Variants in PDE1C observed in about 807,000 individuals in gnomAD.
PDE1C encodes dual specificity calcium/calmodulin-dependent 3',5'-cyclic nucleotide phosphodiesterase 1C.
In PDE1C, 62 loss-of-function variants were observed where a neutral mutation model predicts 93.1. The ratio of observed to expected loss-of-function variants is 0.67; its 90% confidence interval spans 0.54 to 0.82. The LOEUF is 0.82. Ranked by LOEUF, PDE1C falls within the 40% of genes least tolerant of loss-of-function variation. PDE1C has a pLI of 0.00. For synonymous variants in PDE1C, 325 were observed against 310.1 expected (o/e 1.05, Z -0.50); for missense variants, 742 against 884.6 (o/e 0.84, Z 2.04).
chr7:32,164,128 G>C (rs573799123), intron 3 of PDE1C, among the ~76,000 whole-genome samples: 1 of 152,300 alleles, frequency 6.6e-6, no homozygotes. Flanking sequence ...TGCATCAGTT[G>C]GAGCTTGTTA....
At chr7:31,761,658 C>T (rs1179363641) in intron 17 of PDE1C, among the ~76,000 whole-genome samples, 1 of 152,184 alleles carries the variant, frequency 6.6e-6, no homozygotes, top group Non-Finnish European at 1.5e-5. Flanking sequence ...ACTCTTAGTG[C>T]TCAATTTGTA....
chr7:32,118,979 G>GT (rs2128762293), intron 3 of PDE1C, among the ~76,000 whole-genome samples: 1 of 152,286 alleles, frequency 6.6e-6, no homozygotes, highest in South Asian at 2.1e-4. Context: ...GGTAGAGGCA[G>GT]TATCAAGCCA....
chr7:32,293,721 C>G (rs1812473175), intron 1 of PDE1C, among the ~76,000 whole-genome samples: 1 of 152,164 alleles, frequency 6.6e-6, no homozygotes, highest in Non-Finnish European at 1.5e-5. Flanking sequence ...CCGCACCTGA[C>G]TGACTCTGAG....
chr7:32,093,199 A>G (rs1002213105), intron 3 of PDE1C, among the ~76,000 whole-genome samples: 1 of 152,242 alleles, frequency 6.6e-6, no homozygotes, highest in Non-Finnish European at 1.5e-5. Flanking sequence ...TCAGAAGAGC[A>G]AGCTCTTTCC....
At chr7:31,642,449 A>ATT in the PDE1C span, among the ~76,000 whole-genome samples, 3 of 152,250 alleles carry the variant, frequency 2.0e-5, no homozygotes, top group Non-Finnish European at 2.9e-5. Context: ...ATGGAGTCAT[A>ATT]TTAGACAAGG....
intron 1 of PDE1C, among the ~76,000 whole-genome samples, chr7:32,426,437 C>T (rs1183575135): frequency 6.6e-6 from 1 of 151,238 alleles, no homozygotes; most frequent in Non-Finnish European, 1.5e-5. Context: ...TCATGCCCAG[C>T]CAGTGTTTTG....
intron 5 of PDE1C, among the ~76,000 whole-genome samples, chr7:31,874,958 A>T (rs1309434836): frequency 6.6e-6 from 1 of 152,210 alleles, no homozygotes; most frequent in Non-Finnish European, 1.5e-5. Context: ...CTCACCAATG[A>T]CCCTTAATGA....
the PDE1C span, among the ~76,000 whole-genome samples, chr7:31,734,206 G>T: frequency 1.3e-5 from 2 of 152,080 alleles, no homozygotes; most frequent in Non-Finnish European, 2.9e-5. Context: ...CCCTGGAAGA[G>T]CTGAATCTCA....
At chr7:32,332,985 A>C (rs2128077634) in intron 1 of PDE1C, among the ~76,000 whole-genome samples, 1 of 152,130 alleles carries the variant, frequency 6.6e-6, no homozygotes, top group South Asian at 2.1e-4. Flanking sequence ...TTTCATGAAA[A>C]CCCATAAACA....
At chr7:32,225,410 T>A (rs1266179194) in intron 1 of PDE1C, among the ~76,000 whole-genome samples, 2 of 152,118 alleles carry the variant, frequency 1.3e-5, no homozygotes, top group Non-Finnish European at 2.9e-5. Flanking sequence ...CCTAACTGCC[T>A]GGAGAACCAT....
At chr7:31,894,453 G>T (rs564474378) in intron 2 of PDE1C, among the ~76,000 whole-genome samples, 18 of 152,344 alleles carry the variant, frequency 1.2e-4, no homozygotes, top group African/African-American at 4.1e-4. Context: ...ATATTTGCTG[G>T]AAGTGAGGCT....
intron 2 of PDE1C, among the ~76,000 whole-genome samples, chr7:32,043,234 A>T (rs78149270): frequency 6.6e-6 from 1 of 152,152 alleles, no homozygotes; most frequent in South Asian, 2.1e-4. Flanking sequence ...GTCTCCAGGG[A>T]GTCTGAAATC....
chr7:32,226,347 C>A (rs1395540948), intron 1 of PDE1C, among the ~76,000 whole-genome samples: 1 of 152,056 alleles, frequency 6.6e-6, no homozygotes, highest in Non-Finnish European at 1.5e-5. Flanking sequence ...GAGATGAGGG[C>A]CTCAAAGGGA....
At chr7:31,655,672 G>A in the PDE1C span, 1 of 926,314 alleles carries the variant, frequency 1.1e-6, no homozygotes, top group Non-Finnish European at 1.3e-6. Flanking sequence ...TCCCCATCTT[G>A]GCTCCTATAT....
chr7:32,181,365 G>T (rs1803407565), intron 2 of PDE1C, among the ~76,000 whole-genome samples: 1 of 152,108 alleles, frequency 6.6e-6, no homozygotes, highest in Non-Finnish European at 1.5e-5. Context: ...GCACCACACT[G>T]CACTTATTCC....
chr7:32,213,399 A>G (rs1806197918), intron 1 of PDE1C, among the ~76,000 whole-genome samples: 1 of 152,160 alleles, frequency 6.6e-6, no homozygotes, highest in African/African-American at 2.4e-5. Context: ...TTGTTGGACT[A>G]TACACTCTGC....
Position 32,001,069 on chromosome 7 carries a change from T to C in PDE1C, c.128+50485A>G, listed in dbSNP as rs375441953. ...AAACACCAAGTGAAAAAACAAGGCATAGAATTGTACATAATACAATCACAC... is the reference window on the plus strand; with the variant it reads ...AAACACCAAGTGAAAAAACAAGGCACAGAATTGTACATAATACAATCACAC... On this transcript the variant is annotated intron_variant, in intron 2 of 17. Coordinates refer to ENST00000396191, the MANE Select transcript of PDE1C (RefSeq NM_001191057.4). 2.6e-5 allele frequency among the ~76,000 whole-genome samples: 4 copies of C among 152,008 alleles called. No homozygotes were observed. The East Asian group carries it at 5.8e-4, about 22-fold the overall frequency.
chr7:32,413,768 TAAAA>T (rs149316296), intron 1 of PDE1C, among the ~76,000 whole-genome samples: 3 of 152,072 alleles, frequency 2.0e-5, no homozygotes, highest in Non-Finnish European at 4.4e-5. Flanking sequence ...TTTTTCAAAT[TAAAA>T]AAGCTAGAAG....
chr7:32,402,384 C>T (rs1425245251), intron 1 of PDE1C, among the ~76,000 whole-genome samples: 1 of 152,068 alleles, frequency 6.6e-6, no homozygotes, highest in Non-Finnish European at 1.5e-5. Context: ...GCCTAAGAAC[C>T]AGGACAGCTG....
Sources: gnomAD v4.1 joint callset for allele counts (sites outside exome capture counted in the v4.1 genomes callset) on GRCh38, gnomAD v4.1.1 for gene constraint, MANE v1.5 for transcripts, NCBI Gene and HGNC (gene_info 2026-07-23, HGNC 2026-07-21) for gene names.